Variants in DLG2 observed in about 807,000 individuals in gnomAD.
DLG2 encodes the protein disks large homolog 2.
A neutral mutation model predicts 132.5 loss-of-function variants in DLG2; 45 were observed. The observed-to-expected ratio is 0.34, with a 90% CI of 0.27 to 0.44. The LOEUF is 0.44. Ranked by LOEUF, DLG2 falls within the 20% of genes least tolerant of loss-of-function variation. DLG2 has a pLI of 1.00. For synonymous variants in DLG2, 424 were observed against 419.6 expected, an observed-to-expected ratio of 1.01 and a Z score of -0.13; for missense variants, 1,045 against 1,196.9, an observed-to-expected ratio of 0.87 and a Z score of 1.87.
chr11:83,503,170 G>T (rs1196477208), intron 21 of DLG2, among the ~76,000 whole-genome samples: 1 of 151,328 alleles, frequency 6.6e-6, no homozygotes, highest in Non-Finnish European at 1.5e-5. Flanking sequence ...GGGGAGGATA[G>T]GCAAGCAAGA....
intron 3 of DLG2, among the ~76,000 whole-genome samples, chr11:85,571,244 T>A (rs1186424545): frequency 6.6e-6 from 1 of 152,206 alleles, no homozygotes; most frequent in Non-Finnish European, 1.5e-5. Flanking sequence ...TGAGATTTTC[T>A]CACCCTTCCC....
rs149725355 is a variant in DLG2, at chr11:83,638,378, C to A, written c.1826-5053G>T. On this transcript the variant is annotated intron_variant, in intron 18 of 27. Coordinates refer to ENST00000376104, the MANE Select transcript of DLG2 (RefSeq NM_001142699.3). ...ATACATTACTGTGAAAGTTATTAACCTTTCTGTGCTTAATTTTCTCAAGTA... is the reference window on the plus strand; with the variant it reads ...ATACATTACTGTGAAAGTTATTAACATTTCTGTGCTTAATTTTCTCAAGTA... Among the ~76,000 whole-genome samples, 599 of 152,202 alleles carry A rather than the reference C, an allele frequency of 3.9e-3. 6 individuals are homozygous for A. Among genetic ancestry groups the A allele is most frequent in the African/African-American group, 0.012 (510 of 41,534 alleles).
At chr11:83,711,298 G>A (rs2085358838) in intron 18 of DLG2, among the ~76,000 whole-genome samples, 1 of 152,208 alleles carries the variant, frequency 6.6e-6, no homozygotes, top group Non-Finnish European at 1.5e-5. Flanking sequence ...GCTCAGTAGA[G>A]GCACTACACT....
intron 4 of DLG2, among the ~76,000 whole-genome samples, chr11:85,191,162 G>GCGCGCA (rs34410192): frequency 2.1e-4 from 29 of 139,842 alleles, no homozygotes; most frequent in African/African-American, 8.0e-4. Context: ...GCGCACGCGC[G>GCGCGCA]CACACACACA....
At chr11:84,600,550 T>C (rs1239973171) in intron 6 of DLG2, among the ~76,000 whole-genome samples, 1 of 152,186 alleles carries the variant, frequency 6.6e-6, no homozygotes, top group Non-Finnish European at 1.5e-5. Flanking sequence ...AAGCTGGTTA[T>C]GAGGATATGA....
At chr11:84,847,942 C>A (rs1216736608) in intron 6 of DLG2, among the ~76,000 whole-genome samples, 1 of 151,818 alleles carries the variant, frequency 6.6e-6, no homozygotes, top group Non-Finnish European at 1.5e-5. Context: ...CAGAGGCCAT[C>A]AAAGAAAAGG....
rs541232610 is a variant in DLG2, at chr11:84,180,703, G to A, written c.574-17192C>T. 4.1e-4 allele frequency among the ~76,000 whole-genome samples: 62 copies of A among 151,980 alleles called. 1 individual carries two copies. The South Asian group carries it at 4.2e-3, about 10-fold the overall frequency. ...GGGGGCAGGTGGGAGCCATATCTACGGAGGAGCAAAGATAAAAATTATATC... is the reference window on the plus strand; with the variant it reads ...GGGGGCAGGTGGGAGCCATATCTACAGAGGAGCAAAGATAAAAATTATATC... On this transcript the variant is annotated intron_variant, in intron 8 of 27. Coordinates refer to ENST00000376104, the MANE Select transcript of DLG2 (RefSeq NM_001142699.3).
intron 9 of DLG2, among the ~76,000 whole-genome samples, chr11:84,109,560 T>A (rs1029477821): frequency 6.6e-6 from 1 of 152,228 alleles, no homozygotes; most frequent in Non-Finnish European, 1.5e-5. Context: ...ATACTCCAAC[T>A]ACAAAATTTC....
At chr11:83,940,104 G>A (rs1223439358) in intron 14 of DLG2, among the ~76,000 whole-genome samples, 1 of 152,216 alleles carries the variant, frequency 6.6e-6, no homozygotes, top group African/African-American at 2.4e-5. Flanking sequence ...GATAAGACAT[G>A]CATAAGAACA....
At chr11:85,547,819 T>C (rs542801604) in intron 3 of DLG2, among the ~76,000 whole-genome samples, 93 of 152,278 alleles carry the variant, frequency 6.1e-4, no homozygotes, top group Non-Finnish European at 1.1e-3. Context: ...TCTCCTGCTG[T>C]GTTTTTCAGC....
intron 7 of DLG2, among the ~76,000 whole-genome samples, chr11:84,361,578 C>T (rs552994883): frequency 1.1e-4 from 16 of 151,980 alleles, no homozygotes; most frequent in East Asian, 1.9e-4. Flanking sequence ...AGAAAAATAA[C>T]GACAGAGGAA....
intron 4 of DLG2, among the ~76,000 whole-genome samples, chr11:85,200,288 G>C (rs1301385313): frequency 6.6e-6 from 1 of 152,200 alleles, no homozygotes; most frequent in African/African-American, 2.4e-5. Context: ...ACACGGGGTT[G>C]AGATGGAATC....
At chr11:84,303,289 T>A (rs1254993139) in intron 7 of DLG2, among the ~76,000 whole-genome samples, 1 of 152,170 alleles carries the variant, frequency 6.6e-6, no homozygotes, top group Non-Finnish European at 1.5e-5. Flanking sequence ...GGACAATGAA[T>A]GTCATGGATA....
At position 83,895,951 on chromosome 11, in the gene DLG2, T is replaced by C. The variant is rs550882595; in HGVS notation, c.1497-21463A>G. Among the ~76,000 whole-genome samples the C allele has an allele frequency of 1.0e-3, 158 of 152,356 alleles. 2 individuals carry two copies. The highest frequency in any genetic ancestry group is 3.7e-3 in the African/African-American group (153 of 41,582). ...GAACTGAACACTGTAATGCTAGTTA[T>C]ATCATTTCCATTGAGTTCCCAAGCA... On this transcript the variant is annotated intron_variant, in intron 15 of 27. Coordinates refer to ENST00000376104, the MANE Select transcript of DLG2 (RefSeq NM_001142699.3).
At chr11:85,395,791 T>C (rs1178429140) in intron 3 of DLG2, among the ~76,000 whole-genome samples, 2 of 152,144 alleles carry the variant, frequency 1.3e-5, no homozygotes, top group Non-Finnish European at 2.9e-5. Flanking sequence ...CCACCACAGC[T>C]CAGCAAGGCC....
chr11:84,777,938 G>A (rs1375890997), intron 6 of DLG2, among the ~76,000 whole-genome samples: 1 of 152,048 alleles, frequency 6.6e-6, no homozygotes, highest in African/African-American at 2.4e-5. Flanking sequence ...CCTTTGCTGT[G>A]CAGAAGATTT....
intron 8 of DLG2, among the ~76,000 whole-genome samples, chr11:84,166,518 A>AT (rs1221899538): frequency 6.8e-6 from 1 of 146,246 alleles, no homozygotes; most frequent in African/African-American, 2.6e-5. Flanking sequence ...AAAAAAAAAA[A>AT]AAGAAAAGAA....
intron 7 of DLG2, among the ~76,000 whole-genome samples, chr11:84,395,735 G>C (rs2098808780): frequency 6.6e-6 from 1 of 152,160 alleles, no homozygotes; most frequent in Non-Finnish European, 1.5e-5. Context: ...CAGTGTATAT[G>C]TACCTCAAAA....
chr11:84,952,488 G>A (rs549682426), intron 6 of DLG2, among the ~76,000 whole-genome samples: 10 of 151,820 alleles, frequency 6.6e-5, no homozygotes, highest in African/African-American at 1.9e-4. Flanking sequence ...CAGCACTCCC[G>A]CCTGGGCGAC....
Sources: gnomAD v4.1 joint callset for allele counts (sites outside exome capture counted in the v4.1 genomes callset) on GRCh38, gnomAD v4.1.1 for gene constraint, MANE v1.5 for transcripts, NCBI Gene and HGNC (gene_info 2026-07-23, HGNC 2026-07-21) for gene names.